PFKFB1: variants seen among roughly 807,000 people sequenced by gnomAD.
PFKFB1 encodes 6-phosphofructo-2-kinase/fructose-2,6-biphosphatase 1, also known as 6-phosphofructo-2-kinase/fructose-2,6-bisphosphatase 1.
A neutral mutation model predicts 46.4 loss-of-function variants in PFKFB1; 34 were observed. The observed-to-expected ratio is 0.73, with a 90% CI of 0.56 to 0.98. The LOEUF (loss-of-function observed/expected upper bound fraction) is 0.98, where lower values mean the gene tolerates loss of function less well. Ranked by LOEUF, PFKFB1 falls within the 50% of genes least tolerant of loss-of-function variation. PFKFB1 has a pLI of 0.00. For synonymous variants in PFKFB1, 119 were observed against 133.8 expected (o/e 0.89, Z 0.76); for missense variants, 393 against 376.3 (o/e 1.04, Z -0.37).
At chrX:54,989,107 A>G (rs773070790) in intron 1 of PFKFB1, among the ~76,000 whole-genome samples, 1 of 111,648 alleles carries the variant, frequency 9.0e-6, no homozygotes, top group African/African-American at 3.2e-5. Flanking sequence ...AGTCTAGAGT[A>G]TGGAATTCCT....
intron 4 of PFKFB1, 94 bp downstream of exon 4, chrX:54,959,733 C>A: frequency 1.8e-6 from 1 of 555,108 alleles, no homozygotes; most frequent in South Asian, 2.6e-5. Context: ...ATACTCAGAA[C>A]ATAATGTTCT....
At chrX:54,985,798 A>G (rs1269768309) in intron 1 of PFKFB1, among the ~76,000 whole-genome samples, 5 of 109,998 alleles carry the variant, frequency 4.5e-5, no homozygotes, top group Non-Finnish European at 9.5e-5. Flanking sequence ...TAAAATTTTT[A>G]TATCTCATTG....
At chrX:54,956,552 C>T (rs1934148261) in intron 6 of PFKFB1, among the ~76,000 whole-genome samples, 1 of 111,432 alleles carries the variant, frequency 9.0e-6, no homozygotes, top group African/African-American at 3.3e-5. Flanking sequence ...TATAAGAGGA[C>T]CAGAAATTGT....
At chrX:54,951,518 CACTGACAGTCACCCACTG>C (rs1933973794) in intron 8 of PFKFB1, among the ~76,000 whole-genome samples, 4 of 112,400 alleles carry the variant, frequency 3.6e-5, no homozygotes, top group South Asian at 3.7e-4. Context: ...CTGTATGTGC[CACTGACAGTCACCCACTG>C]ACAGAGGAGA....
chrX:54,974,098 T>C (rs753940043), intron 1 of PFKFB1, among the ~76,000 whole-genome samples: 26 of 111,637 alleles, frequency 2.3e-4, no homozygotes, highest in Admixed American at 8.6e-4. Flanking sequence ...CAGGATATTT[T>C]AGATATAGAC....
chrX:54,993,865 C>T (rs1569547482), intron 1 of PFKFB1, 46 bp downstream of exon 1: 2 of 1,172,234 alleles, frequency 1.7e-6, no homozygotes, highest in Admixed American at 2.5e-5. Context: ...TCTACACCCA[C>T]TCTACCACCA....
rs749231896 is a variant in PFKFB1 at position 54,965,610 on chromosome X, ATAAT to A, written c.98-2232_98-2229del. Among the ~76,000 whole-genome samples the A allele has an allele frequency of 5.6e-3, 631 of 111,904 alleles. 2 individuals carry two copies. Among genetic ancestry groups the A allele is most frequent in the Middle Eastern group, 9.4e-3 (2 of 213 alleles). On this transcript the variant is annotated intron_variant, in intron 1 of 13. Transcript: ENST00000375006. ...ATATAGGTCAGAAAATTGGGTGTAC[ATAAT>A]TAAAGGAAGAGTGTTGCAAAAGGAA...
intron 4 of PFKFB1, 59 bp downstream of exon 4, chrX:54,959,768 C>T (rs759665738): frequency 8.7e-6 from 6 of 691,476 alleles, no homozygotes; most frequent in Non-Finnish European, 1.4e-5. Flanking sequence ...ATGTTCAGTA[C>T]ATATTAGCTA....
intron 1 of PFKFB1, among the ~76,000 whole-genome samples, chrX:54,965,561 A>G (rs1247508473): frequency 8.9e-6 from 1 of 111,968 alleles, no homozygotes; most frequent in Non-Finnish European, 1.9e-5. Context: ...ATATTAAAGG[A>G]AATTCTTCAG....
chrX:54,939,512 G>T (rs1450777742), intron 10 of PFKFB1, among the ~76,000 whole-genome samples: 2 of 109,741 alleles, frequency 1.8e-5, no homozygotes, highest in Non-Finnish European at 3.8e-5. Flanking sequence ...TAATAAAGAA[G>T]AAAAGAGATA....
At chrX:54,972,149 T>C (rs1373661499) in intron 1 of PFKFB1, among the ~76,000 whole-genome samples, 5 of 111,472 alleles carry the variant, frequency 4.5e-5, no homozygotes, top group African/African-American at 9.8e-5. Flanking sequence ...TGTCTGTTAT[T>C]GGTGTATAAG....
intron 7 of PFKFB1, among the ~76,000 whole-genome samples, chrX:54,955,270 T>C (rs1934099969): frequency 9.0e-6 from 1 of 111,552 alleles, no homozygotes; most frequent in South Asian, 3.8e-4. Context: ...GCAGTAACAG[T>C]GCTCATTTCT....
chrX:54,933,310 G>A lies in PFKFB1; in HGVS notation c.*93C>T, dbSNP rs1933279578. 1 of 771,843 alleles carries A rather than the reference G, an allele frequency of 1.3e-6. No homozygotes were observed. 63.6% of individuals were successfully genotyped at this position (771,843 alleles called of 1,213,427 possible). Reference sequence around the variant, plus strand: ...TTCACTGGAAGTGGGGTGCCTCAGTGAGGCCAAGGCAGAGTAGGAGAAGAG... The same window carrying A: ...TTCACTGGAAGTGGGGTGCCTCAGTAAGGCCAAGGCAGAGTAGGAGAAGAG... On this transcript the variant is annotated 3_prime_UTR_variant, in exon 14 of 14. Coordinates refer to ENST00000375006, the MANE Select transcript of PFKFB1 (RefSeq NM_002625.4).
chrX:54,971,962 A>G (rs1934677780), intron 1 of PFKFB1, among the ~76,000 whole-genome samples: 1 of 111,276 alleles, frequency 9.0e-6, no homozygotes, highest in African/African-American at 3.3e-5. Flanking sequence ...GATTCTTCCT[A>G]CCCATGAGCA....
intron 1 of PFKFB1, among the ~76,000 whole-genome samples, chrX:54,972,848 C>G (rs951927564): frequency 1.8e-5 from 2 of 111,534 alleles, no homozygotes; most frequent in Admixed American, 9.5e-5. Context: ...TGATGCTCGT[C>G]TCATCAAATG....
intron 1 of PFKFB1, among the ~76,000 whole-genome samples, chrX:54,992,006 C>G (rs1228390872): frequency 1.8e-5 from 2 of 111,876 alleles, no homozygotes; most frequent in Non-Finnish European, 3.8e-5. Context: ...AATAGACTGG[C>G]CTCCCTAGCA....
intron 1 of PFKFB1, among the ~76,000 whole-genome samples, chrX:54,975,578 T>G (rs1005193964): frequency 1.8e-5 from 2 of 110,829 alleles, no homozygotes; most frequent in African/African-American, 6.6e-5. Context: ...AAACCATCAC[T>G]AAACAACTTA....
chrX:54,933,772 C>T, intron 13 of PFKFB1, 49 bp downstream of exon 13: 1 of 1,088,354 alleles, frequency 9.2e-7, no homozygotes, highest in Non-Finnish European at 1.3e-6. Flanking sequence ...GGTGCTTTCA[C>T]CATGTGCTGT....
chrX:54,950,703 C>G (rs1326329125), intron 8 of PFKFB1, among the ~76,000 whole-genome samples: 1 of 112,454 alleles, frequency 8.9e-6, no homozygotes, highest in Non-Finnish European at 1.9e-5. Flanking sequence ...CTCGAGCAGC[C>G]TCTGACTCTG....
Sources: gnomAD v4.1 joint callset for allele counts (sites outside exome capture counted in the v4.1 genomes callset) on GRCh38, gnomAD v4.1.1 for gene constraint, MANE v1.5 for transcripts, NCBI Gene and HGNC (gene_info 2026-07-23, HGNC 2026-07-21) for gene names.